SLC16A7: variants seen among roughly 807,000 people sequenced by gnomAD.
The protein encoded by SLC16A7 is monocarboxylate transporter 2.
In SLC16A7, 33 loss-of-function variants were observed where a neutral mutation model predicts 34.9. The ratio of observed to expected loss-of-function variants is 0.94; its 90% confidence interval spans 0.72 to 1.26. The LOEUF (loss-of-function observed/expected upper bound fraction) is 1.26, where lower values mean the gene tolerates loss of function less well. Among genes scored for constraint, SLC16A7 ranks in the 50% most tolerant of loss-of-function variants. The probability of loss-of-function intolerance (pLI) is 0.00; values close to 1 mark genes in which losing one functional copy is unlikely to be tolerated. For missense variants in SLC16A7, 573 were observed against 578.1 expected (o/e 0.99, Z 0.09); for synonymous variants, 201 against 206.6 (o/e 0.97, Z 0.23).
At chr12:59,711,706 C>A (rs1051674854) in intron 3 of SLC16A7, among the ~76,000 whole-genome samples, 1 of 152,032 alleles carries the variant, frequency 6.6e-6, no homozygotes, top group Non-Finnish European at 1.5e-5. Flanking sequence ...TTTGTACAGA[C>A]GAGGTTTTAC....
chr12:59,628,429 ATCT>A (rs1156263635), intron 1 of SLC16A7, among the ~76,000 whole-genome samples: 1 of 151,810 alleles, frequency 6.6e-6, no homozygotes, highest in African/African-American at 2.4e-5. Flanking sequence ...GATTTATCCA[ATCT>A]TCTTCTCTAA....
intron 1 of SLC16A7, among the ~76,000 whole-genome samples, chr12:59,609,805 A>G (rs550379657): frequency 1.3e-5 from 2 of 152,310 alleles, no homozygotes; most frequent in South Asian, 2.1e-4. Context: ...AAATTTAAAT[A>G]TATGATTTTT....
rs1441819674 is a variant in SLC16A7 at position 59,781,614 on chromosome 12, G to A, written c.*1935G>A. On this transcript the variant is annotated 3_prime_UTR_variant, in exon 6 of 6. Transcript: ENST00000547379. ...GCCAATATCATAGGTAAATAAATTA[G>A]GGAAAATGTGGGACTTTATGGCTGT... 1 of 152,562 alleles carries A rather than the reference G, an allele frequency of 6.6e-6. No homozygotes were observed. The highest frequency in any genetic ancestry group is 2.4e-5 in the African/African-American group (1 of 41,438). 9.5% of individuals were successfully genotyped at this position (152,562 alleles called of 1,614,324 possible).
chr12:59,720,506 T>C (rs1224654444), intron 3 of SLC16A7, among the ~76,000 whole-genome samples: 1 of 152,134 alleles, frequency 6.6e-6, no homozygotes, highest in East Asian at 1.9e-4. Context: ...CCATCCCTTC[T>C]AAATTTTAGT....
intron 2 of SLC16A7, among the ~76,000 whole-genome samples, chr12:59,683,676 A>T (rs1870922949): frequency 6.6e-6 from 1 of 152,186 alleles, no homozygotes; most frequent in African/African-American, 2.4e-5. Flanking sequence ...TAGGAAAAAG[A>T]TTACTGCAAG....
intron 3 of SLC16A7, among the ~76,000 whole-genome samples, chr12:59,734,924 G>T (rs1877410258): frequency 6.6e-6 from 1 of 152,074 alleles, no homozygotes; most frequent in Admixed American, 6.6e-5. Context: ...TTACTCTCTA[G>T]TTTCTTAACA....
rs1883718155 is a variant in SLC16A7 at position 59,787,665 on chromosome 12, C to CA, written c.*7986_*7987insA. 1.3e-5 allele frequency: 2 copies of CA among 152,100 alleles called. No homozygotes were observed. The highest frequency in any genetic ancestry group is 2.9e-5 in the Non-Finnish European group (2 of 68,026). 9.4% of individuals were successfully genotyped at this position (152,100 alleles called of 1,614,324 possible). On this transcript the variant is annotated 3_prime_UTR_variant, in exon 6 of 6. Coordinates refer to ENST00000547379, the MANE Select transcript of SLC16A7 (RefSeq NM_001270623.2). ...TGCCTAGTTCATCAAGATATTTACCCTAAAAACACATTTTAATAAAAATTT... is the reference window on the plus strand; with the variant it reads ...TGCCTAGTTCATCAAGATATTTACCCATAAAAACACATTTTAATAAAAATTT...
At chr12:59,671,103 A>T (rs1161922045) in intron 2 of SLC16A7, among the ~76,000 whole-genome samples, 1 of 152,148 alleles carries the variant, frequency 6.6e-6, no homozygotes, top group Non-Finnish European at 1.5e-5. Flanking sequence ...GTAAATCTGC[A>T]TCTCTATTCC....
rs576973875 is a variant in SLC16A7, at chr12:59,679,971, C to T, written c.-31+24721C>T. ...GACCAGCACAGTTAATATTCCATAA[C>T]TCCAAGCTGTGGAACTTATTCATGT... On this transcript the variant is annotated intron_variant, in intron 2 of 5. Coordinates refer to ENST00000547379, the MANE Select transcript of SLC16A7 (RefSeq NM_001270623.2). Among the ~76,000 whole-genome samples the T allele has an allele frequency of 7.5e-4, 114 of 152,282 alleles. 1 individual carries two copies. The highest frequency in any genetic ancestry group is 4.3e-4 in the Non-Finnish European group (29 of 68,020).
intron 3 of SLC16A7, among the ~76,000 whole-genome samples, chr12:59,768,557 G>A (rs984570700): frequency 6.6e-6 from 1 of 152,122 alleles, no homozygotes; most frequent in Non-Finnish European, 1.5e-5. Flanking sequence ...AGTTGATAAA[G>A]CAGTGGAAAG....
chr12:59,620,248 A>G (rs558695851), intron 1 of SLC16A7, among the ~76,000 whole-genome samples: 2 of 151,982 alleles, frequency 1.3e-5, no homozygotes, highest in Middle Eastern at 3.4e-3. Flanking sequence ...CTGTTTTGCC[A>G]TAGTGAAGAA....
intron 3 of SLC16A7, chr12:59,769,464 T>C (rs1592683930): frequency 6.6e-6 from 1 of 152,140 alleles, no homozygotes; most frequent in African/African-American, 2.4e-5. Flanking sequence ...AATTTTCTTT[T>C]AGTTCTTCCC....
chr12:59,788,231 C>T lies in SLC16A7; in HGVS notation c.*8552C>T, dbSNP rs1014970317. 5 of 152,102 alleles carry T rather than the reference C, an allele frequency of 3.3e-5. No homozygotes were observed. Among genetic ancestry groups the T allele is most frequent in the Admixed American group, 3.3e-4 (5 of 15,264 alleles). The allele number at this position is 152,102 out of a possible 1,614,324, so 9.4% of individuals were successfully genotyped here. A position where few individuals can be genotyped will look rare whatever the true frequency, so the allele number is the denominator to read the frequency against. The stretch of plus-strand genomic sequence containing the variant: ...ATAGTCACTTGTTGCTAATAAAAGA[C>T]ATTCCTTGGCAACAGCCACATCCAG... On this transcript the variant is annotated 3_prime_UTR_variant, in exon 6 of 6. Coordinates refer to ENST00000547379, the MANE Select transcript of SLC16A7 (RefSeq NM_001270623.2).
intron 1 of SLC16A7, among the ~76,000 whole-genome samples, chr12:59,631,495 A>T (rs1039055619): frequency 6.6e-6 from 1 of 151,960 alleles, no homozygotes; most frequent in Non-Finnish European, 1.5e-5. Context: ...TACTTGCCTC[A>T]TCAGTCCATT....
chr12:59,653,604 A>G lies in SLC16A7; in HGVS notation c.-129-1548A>G, dbSNP rs570511410. On this transcript the variant is annotated intron_variant, in intron 1 of 5. Coordinates refer to ENST00000547379, the MANE Select transcript of SLC16A7 (RefSeq NM_001270623.2). ...ATATCTTAATGCTAATTCTAAATTC[A>G]AGTGAATTTAATTATTGTTTTAAGG... Among the ~76,000 whole-genome samples, 17 of 151,826 alleles carry G rather than the reference A, an allele frequency of 1.1e-4. No homozygotes were observed. In the East Asian group the frequency reaches 3.3e-3, roughly 29 times the overall value.
At chr12:59,773,336 C>A (rs1472475184) in intron 4 of SLC16A7, among the ~76,000 whole-genome samples, 1 of 152,002 alleles carries the variant, frequency 6.6e-6, no homozygotes, top group Non-Finnish European at 1.5e-5. Context: ...TTTTAGGGGT[C>A]CTCTTACTTA....
chr12:59,603,777 G>A (rs1878802154), intron 1 of SLC16A7, among the ~76,000 whole-genome samples: 1 of 152,122 alleles, frequency 6.6e-6, no homozygotes, highest in African/African-American at 2.4e-5. Flanking sequence ...TTATAGAGTT[G>A]CAAGAAACTT....
chr12:59,714,549 T>TTCTCTC (rs143686501), intron 3 of SLC16A7, among the ~76,000 whole-genome samples: 4 of 150,492 alleles, frequency 2.7e-5, no homozygotes, highest in Non-Finnish European at 3.0e-5. Flanking sequence ...CCTGGTGTCT[T>TTCTCTC]TCTCTCTCTC....
At position 59,697,306 on chromosome 12, in the gene SLC16A7, A is replaced by C. The variant is rs75388541; in HGVS notation, c.-30-7466A>C. On this transcript the variant is annotated intron_variant, in intron 2 of 5. Transcript: ENST00000547379. Reference sequence around the variant, plus strand: ...TATTGTCATTCAGAACCATTAACGAAAGAACACTTGTGCATTAAAATATGT... The same window carrying C: ...TATTGTCATTCAGAACCATTAACGACAGAACACTTGTGCATTAAAATATGT... Among the ~76,000 whole-genome samples the C allele has an allele frequency of 6.4e-4, 98 of 152,138 alleles. 2 individuals are homozygous for C. The East Asian group carries it at 0.018, about 28-fold the overall frequency.
Sources: gnomAD v4.1 joint callset for allele counts (sites outside exome capture counted in the v4.1 genomes callset) on GRCh38, gnomAD v4.1.1 for gene constraint, MANE v1.5 for transcripts, NCBI Gene and HGNC (gene_info 2026-07-23, HGNC 2026-07-21) for gene names.